The following MDN1 variants were observed in gnomAD, a reference collection of about 807,000 sequenced individuals.
MDN1 encodes the protein midasin.
In MDN1, 266 loss-of-function variants were observed where a neutral mutation model predicts 669.2. The ratio of observed to expected loss-of-function variants is 0.40; its 90% CI spans 0.36 to 0.44. MDN1 has a LOEUF of 0.44. MDN1 is among the 20% of genes least tolerant of loss of function. The pLI, the probability that MDN1 is intolerant of heterozygous loss-of-function variation, is 1.00. For synonymous variants in MDN1, 2,385 were observed against 2,457.1 expected, an observed-to-expected ratio of 0.97 and a Z score of 0.87; for missense variants, 5,940 against 6,754.0, an observed-to-expected ratio of 0.88 and a Z score of 4.22.
intron 15 of MDN1, among the ~76,000 whole-genome samples, chr6:89,769,464 A>T (rs1261455477): frequency 2.6e-5 from 4 of 152,306 alleles, no homozygotes; most frequent in African/African-American, 9.6e-5. Flanking sequence ...CTGAAGCAGG[A>T]CTACTTGAGG....
chr6:89,644,540 A>G (rs1227021721), intron 101 of MDN1, among the ~76,000 whole-genome samples: 2 of 152,298 alleles, frequency 1.3e-5, no homozygotes, highest in Middle Eastern at 3.4e-3. Flanking sequence ...CACAGAGACA[A>G]TGCTTCCCTG....
chr6:89,653,189 A>T (rs746855855), intron 93 of MDN1, 34 bp from the exon 94 acceptor site: 14 of 1,586,986 alleles, frequency 8.8e-6, no homozygotes, highest in Non-Finnish European at 1.7e-6. Context: ...TTTACTTATA[A>T]TATTAGCCTG....
chr6:89,781,671 G>T, intron 9 of MDN1, 79 bp from the exon 10 acceptor site: 1 of 1,272,894 alleles, frequency 7.9e-7, no homozygotes, highest in South Asian at 1.5e-5. Flanking sequence ...TGCTGAAACT[G>T]GTCAGCCAAA....
chr6:89,657,409 T>C (rs143797737), intron 90 of MDN1, among the ~76,000 whole-genome samples: 4 of 152,240 alleles, frequency 2.6e-5, no homozygotes, highest in Non-Finnish European at 5.9e-5. Flanking sequence ...TGACATCCCA[T>C]GTTCTTTCCA....
intron 33 of MDN1, among the ~76,000 whole-genome samples, chr6:89,736,418 G>A (rs999014457): frequency 6.6e-6 from 1 of 152,192 alleles, no homozygotes; most frequent in Non-Finnish European, 1.5e-5. Context: ...CAGCCCATAG[G>A]AGATGAAAAG....
At chr6:89,686,401 G>A (rs1295185518) in intron 69 of MDN1, among the ~76,000 whole-genome samples, 1 of 151,636 alleles carries the variant, frequency 6.6e-6, no homozygotes, top group Non-Finnish European at 1.5e-5. Context: ...CTCCAGCCTG[G>A]GCAACAGAGC....
chr6:89,713,447 T>A, intron 46 of MDN1, 151 bp from the exon 47 acceptor site: 1 of 675,426 alleles, frequency 1.5e-6, no homozygotes. Flanking sequence ...TCTAGAGTCC[T>A]CCGAGGGCAC....
Position 89,745,379 on chromosome 6 carries a change from A to G in MDN1, c.4072T>C (p.Cys1358Arg). 6.2e-7 allele frequency: 1 copy of G among 1,613,932 alleles called. No homozygotes were observed. Among genetic ancestry groups the G allele is most frequent in the Middle Eastern group, 1.6e-4 (1 of 6,062 alleles). ...GTCCACACGATATGGCCAAAGTTAC[A>G]CTCCAATGTGGATATCTGAGTAGAC... ...KLSTQISTLE[C>R]NFGHIVWTEG... is the part of the protein sequence containing the mutation. The change falls in exon 29 of 102, where the codon TGT (cysteine) becomes CGT (arginine). Residue 1358 changes from cysteine to arginine, a missense_variant. Physicochemically the swap from Cys to Arg is radical, Grantham distance 180. Transcript: ENST00000369393.
At chr6:89,750,309 G>A (rs555467212) in intron 24 of MDN1, 45 bp downstream of exon 24, 2 of 1,523,064 alleles carry the variant, frequency 1.3e-6, no homozygotes, top group African/African-American at 2.7e-5. Context: ...AAATGTGTGT[G>A]AAAGAATAAA....
At chr6:89,657,541 A>C (rs919364532) in intron 90 of MDN1, among the ~76,000 whole-genome samples, 1 of 152,268 alleles carries the variant, frequency 6.6e-6, no homozygotes, top group Non-Finnish European at 1.5e-5. Flanking sequence ...AAGGAAAAGC[A>C]AAACACCGTT....
rs184282756 is a variant in MDN1, at chr6:89,714,047, A to T, written c.7069+496T>A. Among the ~76,000 whole-genome samples, 1,069 of 151,686 alleles carry T rather than the reference A, an allele frequency of 7.0e-3. 9 individuals are homozygous for T. The highest frequency in any genetic ancestry group is 0.011 in the Non-Finnish European group (721 of 67,904). On this transcript the variant is annotated intron_variant, in intron 46 of 101. Transcript: ENST00000369393. ...GAGTGAGACTCTGTCTCAAAAAAAA[A>T]GAAAAAAAAAAAAAGATTAAATAAA...
chr6:89,657,320 T>C (rs919241253), intron 90 of MDN1, among the ~76,000 whole-genome samples: 1 of 152,200 alleles, frequency 6.6e-6, no homozygotes, highest in South Asian at 2.1e-4. Flanking sequence ...ATATAAATGG[T>C]TGTTATTGTC....
chr6:89,683,385 G>A (rs1315349683), intron 72 of MDN1, 55 bp from the exon 73 acceptor site: 4 of 1,463,262 alleles, frequency 2.7e-6, no homozygotes, highest in Non-Finnish European at 3.8e-6. Context: ...AGCAAGTGAA[G>A]ACATATAAAA....
intron 10 of MDN1, among the ~76,000 whole-genome samples, chr6:89,780,590 C>T (rs1025008294): frequency 1.4e-4 from 21 of 151,150 alleles, no homozygotes; most frequent in African/African-American, 5.1e-4. Context: ...GACAAGGTAG[C>T]AGGAAAGGAG....
rs769484784 is a variant in MDN1 at position 89,794,588 on chromosome 6, G to C, written c.543C>G (p.Thr181=). Residue 181 remains threonine (T), a synonymous_variant, in exon 3 of 102, where the codon ACC becomes ACG. Coordinates refer to ENST00000369393, the MANE Select transcript of MDN1 (RefSeq NM_014611.3). ...VCVPLLRSHD[T]LVRWYTANCL... is the part of the protein sequence containing the mutation. ...TAACAGCTACGCACCAGCGAACCAA[G>C]GTGTCATGGCTTCTGAGGAGAGGGA... 6.8e-6 allele frequency: 11 copies of C among 1,613,092 alleles called. No individual in the cohort carries two copies. Among genetic ancestry groups the C allele is most frequent in the Admixed American group, 1.7e-5 (1 of 60,004 alleles).
Position 89,695,126 on chromosome 6 carries a change from G to A in MDN1, c.9771+479C>T, listed in dbSNP as rs554911195. Among the ~76,000 whole-genome samples, 2 of 152,192 alleles carry A rather than the reference G, an allele frequency of 1.3e-5. No individual in the cohort carries two copies. Among genetic ancestry groups the A allele is most frequent in the South Asian group, 2.1e-4 (1 of 4,814 alleles). On this transcript the variant is annotated intron_variant, in intron 61 of 101. Coordinates refer to ENST00000369393, the MANE Select transcript of MDN1 (RefSeq NM_014611.3). The surrounding 1 kb of genome is among the most constrained non-coding windows in gnomAD (Gnocchi z 4.1). The stretch of plus-strand genomic sequence containing the variant: ...CGGGTTCCTGTAATCCCAGCTACTC[G>A]GGAGGCTGAGGCAGAGAATTGCTTG...
In MDN1 at chr6:89,695,851, A is replaced by G. The variant is rs923810490; in HGVS notation, c.9525T>C (p.His3175=). The change falls in exon 61 of 102, where the codon CAT becomes CAC. Residue 3175 remains histidine (H), a synonymous_variant. Transcript: ENST00000369393. This position sits in a 1 kb window ranked among gnomAD's most constrained non-coding sequence, Gnocchi z 4.1. Reference sequence around the variant, plus strand: ...CCATGTCCCCAAGTGTCTGGCCCACATGCTGGAAGGCCTGGCTGCTCCCAA... The same window carrying G: ...CCATGTCCCCAAGTGTCTGGCCCACGTGCTGGAAGGCCTGGCTGCTCCCAA... ...LLLGSSQAFQ[H]VGQTLGDMAG... is the part of the protein sequence containing the mutation. 6.2e-7 allele frequency: 1 copy of G among 1,613,710 alleles called. No homozygotes were observed. The highest frequency in any genetic ancestry group is 8.5e-7 in the Non-Finnish European group (1 of 1,180,014).
At chr6:89,677,432 T>C in intron 76 of MDN1, 138 bp downstream of exon 76, 1 of 1,085,978 alleles carries the variant, frequency 9.2e-7, no homozygotes, top group Non-Finnish European at 1.3e-6. Context: ...AGTCAGATCC[T>C]GAGCCAGGCA....
At chr6:89,799,076 G>C (rs1223355628) in intron 2 of MDN1, among the ~76,000 whole-genome samples, 1 of 152,206 alleles carries the variant, frequency 6.6e-6, no homozygotes, top group East Asian at 1.9e-4. Context: ...GGCATTTCTA[G>C]ATACAGTTTT....
Sources: allele counts gnomAD v4.1 joint callset (sites outside exome capture counted in the v4.1 genomes callset), GRCh38; gene constraint gnomAD v4.1.1; non-coding constraint Gnocchi (gnomAD v3.1); transcripts MANE v1.5; gene names NCBI Gene and HGNC (gene_info 2026-07-23, HGNC 2026-07-21).